The following DTD1 variants were observed in gnomAD, a reference collection of about 807,000 sequenced individuals.
DTD1 encodes the protein D-tyrosyl-tRNA deacylase 1 homolog.
Under a neutral mutation model 25.6 loss-of-function variants are expected in DTD1, and 13 were observed. The observed-to-expected ratio is 0.51, with a 90% CI of 0.33 to 0.81. The LOEUF (loss-of-function observed/expected upper bound fraction) is 0.81, where lower values mean the gene tolerates loss of function less well. DTD1 is among the 30% of genes least tolerant of loss of function. The pLI is 0.02. For missense variants in DTD1, 193 were observed against 266.4 expected (o/e 0.72, Z 1.92); for synonymous variants, 110 against 103.6 (o/e 1.06, Z -0.37).
At chr20:18,758,723 G>A (rs1220056446) in intron 5 of DTD1, among the ~76,000 whole-genome samples, 2 of 152,208 alleles carry the variant, frequency 1.3e-5, no homozygotes, top group Non-Finnish European at 1.5e-5. Flanking sequence ...GTGTGGTGTG[G>A]TGCTGAAAAG....
chr20:18,692,890 A>AT (rs34962546), intron 4 of DTD1, among the ~76,000 whole-genome samples: 84,314 of 112,396 alleles, frequency 0.75, 34,979 homozygotes, highest in Non-Finnish European at 0.89. Context: ...CAGGACATGG[A>AT]TTTTTTTTTT....
intron 4 of DTD1, among the ~76,000 whole-genome samples, chr20:18,687,617 T>C (rs760543379): frequency 1.3e-5 from 2 of 152,136 alleles, no homozygotes; most frequent in Non-Finnish European, 2.9e-5. Flanking sequence ...TACAATGGCA[T>C]AAGCATGGCT....
At chr20:18,752,814 G>T (rs1260284104) in intron 5 of DTD1, among the ~76,000 whole-genome samples, 3 of 152,108 alleles carry the variant, frequency 2.0e-5, no homozygotes, top group African/African-American at 7.2e-5. Context: ...TTACCTGGAG[G>T]TTACTGTTCC....
At chr20:18,694,445 T>C (rs934686679) in intron 4 of DTD1, among the ~76,000 whole-genome samples, 2 of 152,230 alleles carry the variant, frequency 1.3e-5, no homozygotes, top group Non-Finnish European at 2.9e-5. Flanking sequence ...GTGAGGCGTT[T>C]AGAACGTGTT....
chr20:18,738,870 T>C (rs970650195), intron 4 of DTD1, among the ~76,000 whole-genome samples: 2 of 152,210 alleles, frequency 1.3e-5, no homozygotes, highest in African/African-American at 4.8e-5. Context: ...CAAGGTCACA[T>C]AGGTGGAAAT....
At chr20:18,689,284 C>T (rs540631923) in intron 4 of DTD1, among the ~76,000 whole-genome samples, 3 of 152,150 alleles carry the variant, frequency 2.0e-5, no homozygotes, top group South Asian at 4.2e-4. Context: ...CTCCACTGCC[C>T]GCCCCCTTTG....
chr20:18,669,193 G>C (rs1367996944), intron 4 of DTD1, among the ~76,000 whole-genome samples: 1 of 152,200 alleles, frequency 6.6e-6, no homozygotes, highest in Non-Finnish European at 1.5e-5. Context: ...TGTGTGGGAA[G>C]GGGCGTCTCT....
At chr20:18,750,794 C>A (rs2061318676) in intron 5 of DTD1, among the ~76,000 whole-genome samples, 1 of 152,212 alleles carries the variant, frequency 6.6e-6, no homozygotes, top group Admixed American at 6.5e-5. Context: ...ACTAGGGCCA[C>A]CTCTCACTAA....
At chr20:18,609,029 A>G (rs932433967) in intron 3 of DTD1, among the ~76,000 whole-genome samples, 1 of 152,222 alleles carries the variant, frequency 6.6e-6, no homozygotes, top group African/African-American at 2.4e-5. Flanking sequence ...ATTAGAAAAC[A>G]TAGCCTCCTT....
chr20:18,596,028 C>A lies in DTD1; in HGVS notation c.157C>A (p.Arg53Ser). Reference sequence around the variant, plus strand: ...TAGGGTCCGAAAGATTCTAAACCTGCGTGTATTTGAGGATGAGAGTGGGAA... The same window carrying A: ...TAGGGTCCGAAAGATTCTAAACCTGAGTGTATTTGAGGATGAGAGTGGGAA... Reference protein sequence around the residue: ...EHMVRKILNLRVFEDESGKHW... With the variant: ...EHMVRKILNLSVFEDESGKHW... Residue 53 changes from arginine (R) to serine (S), a missense_variant, in exon 3 of 6, where the codon CGT becomes AGT. Physicochemically the swap from Arg to Ser is moderately radical, Grantham distance 110. Transcript: ENST00000377452. The A allele has an allele frequency of 6.2e-7, 1 of 1,614,052 alleles. No homozygotes were observed. Among genetic ancestry groups the A allele is most frequent in the Non-Finnish European group, 8.5e-7 (1 of 1,180,014 alleles).
chr20:18,716,827 G>A (rs2061182828), intron 4 of DTD1, among the ~76,000 whole-genome samples: 1 of 151,950 alleles, frequency 6.6e-6, no homozygotes, highest in Non-Finnish European at 1.5e-5. Context: ...CACATATTTT[G>A]TATTTTGCAA....
At chr20:18,728,332 A>G (rs771756080) in intron 4 of DTD1, among the ~76,000 whole-genome samples, 9 of 152,222 alleles carry the variant, frequency 5.9e-5, no homozygotes, top group Admixed American at 2.0e-4. Context: ...GAGTCAGCCC[A>G]TCTTCAAAGC....
intron 4 of DTD1, among the ~76,000 whole-genome samples, chr20:18,720,985 A>G (rs1160175593): frequency 6.6e-6 from 1 of 152,212 alleles, no homozygotes; most frequent in Non-Finnish European, 1.5e-5. Context: ...TGTGACCTGC[A>G]GATTCCTTTG....
intron 4 of DTD1, among the ~76,000 whole-genome samples, chr20:18,702,456 G>A (rs1450175024): frequency 6.6e-6 from 1 of 152,202 alleles, no homozygotes; most frequent in East Asian, 1.9e-4. Flanking sequence ...AATTTAGCAA[G>A]GGCTATAGAA....
intron 4 of DTD1, among the ~76,000 whole-genome samples, chr20:18,651,397 C>G (rs930861240): frequency 3.9e-5 from 6 of 152,222 alleles, no homozygotes; most frequent in Non-Finnish European, 5.9e-5. Context: ...GCAATCTGCC[C>G]GTCTCCGCCT....
At chr20:18,733,360 G>A (rs1336534755) in intron 4 of DTD1, among the ~76,000 whole-genome samples, 13 of 152,248 alleles carry the variant, frequency 8.5e-5, no homozygotes, top group Admixed American at 8.5e-4. Context: ...GTAGGAGGCT[G>A]TGGATTTGCA....
intron 4 of DTD1, among the ~76,000 whole-genome samples, chr20:18,711,135 A>G (rs761254231): frequency 6.6e-6 from 1 of 152,136 alleles, no homozygotes; most frequent in African/African-American, 2.4e-5. Flanking sequence ...AGCAGGCGCT[A>G]TTCTCAGCCC....
chr20:18,666,793 A>G (rs945264937), intron 4 of DTD1, among the ~76,000 whole-genome samples: 4 of 152,184 alleles, frequency 2.6e-5, no homozygotes, highest in Admixed American at 2.6e-4. Context: ...GTTTGCTTCA[A>G]AAAAGGAATC....
At chr20:18,601,811 G>A (rs201624313) in intron 3 of DTD1, among the ~76,000 whole-genome samples, 10 of 152,116 alleles carry the variant, frequency 6.6e-5, no homozygotes, top group African/African-American at 2.4e-4. Flanking sequence ...AGATAAAACC[G>A]CAAAGATGGG....
Sources: gnomAD v4.1 joint callset for allele counts (sites outside exome capture counted in the v4.1 genomes callset) on GRCh38, gnomAD v4.1.1 for gene constraint, MANE v1.5 for transcripts, NCBI Gene and HGNC (gene_info 2026-07-23, HGNC 2026-07-21) for gene names.